The following SCAF11 variants were observed in gnomAD, a reference collection of about 807,000 sequenced individuals.
SCAF11 encodes the protein SR-related CTD associated factor 11, also known as protein SCAF11.
A neutral mutation model predicts 140.5 loss-of-function variants in SCAF11; 47 were observed. That is an observed-to-expected ratio of 0.33 (90% CI 0.26 to 0.43). The LOEUF is 0.43. Among genes scored for constraint, SCAF11 ranks in the 20% least tolerant of loss-of-function variants. The pLI, the probability that SCAF11 is intolerant of heterozygous loss-of-function variation, is 1.00. For missense variants in SCAF11, 1,645 were observed against 1,705.1 expected (o/e 0.96, Z 0.62); for synonymous variants, 557 against 579.4 (o/e 0.96, Z 0.55).
intron 1 of SCAF11, among the ~76,000 whole-genome samples, chr12:45,978,897 AAAACAAAC>A (rs147845633): frequency 4.6e-5 from 7 of 152,030 alleles, no homozygotes; most frequent in African/African-American, 1.7e-4. Context: ...ACAACAAATA[AAAACAAAC>A]AAACAAACAA....
At position 45,990,492 on chromosome 12, in the gene SCAF11, C is replaced by G; in HGVS notation, c.-161G>C. ...TTACAGGGTCTCTAGGACACTGACTCCGCTGGCTCGGTCCGGAGGCGGCGG... is the reference window on the plus strand; with the variant it reads ...TTACAGGGTCTCTAGGACACTGACTGCGCTGGCTCGGTCCGGAGGCGGCGG... On this transcript the variant is annotated 5_prime_UTR_variant, in exon 1 of 15. Coordinates refer to ENST00000369367, the MANE Select transcript of SCAF11 (RefSeq NM_004719.3). The G allele has an allele frequency of 8.1e-7, 1 of 1,230,828 alleles. No homozygotes were observed. The highest frequency in any genetic ancestry group is 1.0e-6 in the Non-Finnish European group (1 of 987,616). 76.2% of individuals were successfully genotyped at this position (1,230,828 alleles called of 1,614,324 possible). A position where few individuals can be genotyped will look rare whatever the true frequency, so the allele number is the denominator to read the frequency against.
intron 1 of SCAF11, among the ~76,000 whole-genome samples, chr12:45,965,439 A>G (rs1229110648): frequency 6.6e-6 from 1 of 152,192 alleles, no homozygotes; most frequent in Non-Finnish European, 1.5e-5. Flanking sequence ...GGATGTTAAT[A>G]TGGCAAAGGC....
intron 1 of SCAF11, among the ~76,000 whole-genome samples, chr12:45,969,594 C>A (rs1565686703): frequency 6.6e-6 from 1 of 152,162 alleles, no homozygotes; most frequent in Non-Finnish European, 1.5e-5. Flanking sequence ...TTGTCAGAAA[C>A]AACAGAGAAA....
intron 1 of SCAF11, among the ~76,000 whole-genome samples, chr12:45,976,620 C>G (rs2136653238): frequency 6.6e-6 from 1 of 151,854 alleles, no homozygotes; most frequent in African/African-American, 2.4e-5. Flanking sequence ...TTCAAATAAC[C>G]CAAAGAAGGA....
At chr12:45,944,873 C>G (rs1398998278) in intron 6 of SCAF11, among the ~76,000 whole-genome samples, 3 of 152,168 alleles carry the variant, frequency 2.0e-5, no homozygotes, top group Non-Finnish European at 4.4e-5. Context: ...TTCTTGCTGT[C>G]ACAGTCTTCC....
chr12:45,928,653 C>T lies in SCAF11; in HGVS notation c.1048G>A (p.Gly350Ser), dbSNP rs118114840. The change falls in exon 11 of 15, where the codon GGT (glycine) becomes AGT (serine). Residue 350 changes from glycine to serine, a missense_variant. By Grantham distance (56) the Gly-to-Ser change is moderately conservative (BLOSUM62 0). Transcript: ENST00000369367. ...ACACTTAAAGATGGATTACTGTTACCTGGGGCATCACACCCAGAATTGTCT... is the reference window on the plus strand; with the variant it reads ...ACACTTAAAGATGGATTACTGTTACTTGGGGCATCACACCCAGAATTGTCT... The part of the protein sequence containing the change: ...ISDNSGCDAP[G>S]NSNPSLSVPS... The T allele has an allele frequency of 0.026, 41,315 of 1,614,006 alleles. 642 individuals are homozygous for T. The highest frequency in any genetic ancestry group is 0.027 in the Non-Finnish European group (31,820 of 1,179,996).
At chr12:45,973,485 G>C (rs1946161994) in intron 1 of SCAF11, among the ~76,000 whole-genome samples, 1 of 152,102 alleles carries the variant, frequency 6.6e-6, no homozygotes, top group Non-Finnish European at 1.5e-5. Context: ...CATTTAAGAA[G>C]TTCTCAAAAC....
intron 1 of SCAF11, among the ~76,000 whole-genome samples, chr12:45,964,666 C>CA (rs557847692): frequency 0.072 from 7,908 of 110,324 alleles, 340 homozygotes; most frequent in African/African-American, 0.16. Flanking sequence ...GACTCTGTCT[C>CA]AAAAAAAAAA....
intron 1 of SCAF11, among the ~76,000 whole-genome samples, chr12:45,985,614 C>T (rs1022500771): frequency 1.4e-4 from 21 of 152,198 alleles, no homozygotes; most frequent in Admixed American, 2.6e-4. Flanking sequence ...AATGGACTAA[C>T]ACAGTCAACA....
At chr12:45,956,195 T>TAG in intron 3 of SCAF11, 2 of 715,846 alleles carry the variant, frequency 2.8e-6, no homozygotes, top group African/African-American at 1.7e-5. Flanking sequence ...TAGCTCCTCT[T>TAG]AGAGAGAGAG....
chr12:45,951,589 C>A lies in SCAF11; in HGVS notation c.297+61G>T. The A allele has an allele frequency of 5.3e-6, 6 of 1,127,052 alleles. No homozygotes were observed. The South Asian group carries it at 7.9e-5, about 15-fold the overall frequency. 69.8% of individuals were successfully genotyped at this position (1,127,052 alleles called of 1,614,324 possible). On this transcript the variant is annotated intron_variant, in intron 4 of 14. Transcript: ENST00000369367. ...TTTCAAATATACACAAACTGGAAATCAAAGTCAAACAGCTTCAATTAATTT... is the reference window on the plus strand; with the variant it reads ...TTTCAAATATACACAAACTGGAAATAAAAGTCAAACAGCTTCAATTAATTT...
intron 13 of SCAF11, 116 bp from the exon 14 acceptor site, chr12:45,922,698 C>T (rs755165984): frequency 3.2e-5 from 33 of 1,043,306 alleles, no homozygotes; most frequent in Non-Finnish European, 4.1e-5. Flanking sequence ...CAACTATTAA[C>T]GTGACAAATA....
intron 6 of SCAF11, among the ~76,000 whole-genome samples, chr12:45,940,688 T>A (rs1460042206): frequency 6.6e-6 from 1 of 152,252 alleles, no homozygotes; most frequent in Non-Finnish European, 1.5e-5. Context: ...CCCATCCTTT[T>A]GGAATACTTC....
At chr12:45,933,069 AC>A in intron 9 of SCAF11, 61 bp downstream of exon 9, 1 of 1,072,194 alleles carries the variant, frequency 9.3e-7, no homozygotes, top group Non-Finnish European at 1.4e-6. Context: ...GTACTTAAGT[AC>A]TAATGCTATC....
intron 3 of SCAF11, among the ~76,000 whole-genome samples, chr12:45,957,126 A>G (rs1362872983): frequency 6.6e-6 from 1 of 152,210 alleles, no homozygotes; most frequent in African/African-American, 2.4e-5. Flanking sequence ...TAAATTATAA[A>G]TGACTAATGT....
chr12:45,982,533 C>T (rs1460489924), intron 1 of SCAF11, among the ~76,000 whole-genome samples: 2 of 152,058 alleles, frequency 1.3e-5, no homozygotes, highest in Admixed American at 6.6e-5. Context: ...ATGGTGAAAC[C>T]GTTTCTACTA....
chr12:45,924,162 A>G (rs1444821476), intron 12 of SCAF11, among the ~76,000 whole-genome samples: 1 of 152,228 alleles, frequency 6.6e-6, no homozygotes, highest in Admixed American at 6.5e-5. Flanking sequence ...AATTTTTAAA[A>G]GGCAGTCATA....
chr12:45,956,168 C>T, intron 3 of SCAF11: 1 of 716,852 alleles, frequency 1.4e-6, no homozygotes, highest in Non-Finnish European at 2.6e-6. Context: ...TCCTCAATCA[C>T]ATAGGCTGCT....
rs1944898100 is a variant in SCAF11 at position 45,927,215 on chromosome 12, T to C, written c.2486A>G (p.Lys829Arg). ...ATTCTTAGGAGATGGTGATTGAGAC[T>C]TCCTGCTTTCTTTCCCAGTTTCTCT... ...PRRETGKESR[K>R]SQSPSPKNES... The change falls in exon 11 of 15, where the codon AAG becomes AGG. Residue 829 changes from lysine (K) to arginine (R), a missense_variant. Physicochemically the swap from Lys to Arg is conservative, Grantham distance 26. Coordinates refer to ENST00000369367, the MANE Select transcript of SCAF11 (RefSeq NM_004719.3). The C allele has an allele frequency of 6.2e-7, 1 of 1,614,044 alleles. No homozygotes were observed. Among genetic ancestry groups the C allele is most frequent in the Admixed American group, 1.7e-5 (1 of 59,992 alleles).
Sources: gnomAD v4.1 joint callset for allele counts (sites outside exome capture counted in the v4.1 genomes callset) on GRCh38, gnomAD v4.1.1 for gene constraint, MANE v1.5 for transcripts, NCBI Gene and HGNC (gene_info 2026-07-23, HGNC 2026-07-21) for gene names.